Variants in C12orf42 observed in about 807,000 individuals in gnomAD.
C12orf42 encodes chromosome 12 open reading frame 42, also known as uncharacterized protein C12orf42.
A neutral mutation model predicts 21.6 loss-of-function variants in C12orf42; 25 were observed. The ratio of observed to expected loss-of-function variants is 1.16; its 90% CI spans 0.84 to 1.62. The LOEUF is 1.62. C12orf42 is among the 40% of genes most tolerant of loss of function. The pLI, the probability that C12orf42 is intolerant of heterozygous loss-of-function variation, is 0.00. For missense variants in C12orf42, 483 were observed against 459.3 expected (o/e 1.05, Z -0.47); for synonymous variants, 174 against 175.0 (o/e 0.99, Z 0.05).
chr12:103,301,892 G>A (rs558651339), downstream of C12orf42: 25 of 565,690 alleles, frequency 4.4e-5, no homozygotes, highest in Admixed American at 8.1e-4. Context: ...AACACTGGGA[G>A]ACACCGCAGA....
the C12orf42 span, among the ~76,000 whole-genome samples, chr12:103,105,005 C>G: frequency 1.3e-5 from 2 of 152,150 alleles, no homozygotes; most frequent in Non-Finnish European, 2.9e-5. Context: ...GCAGGTGTGG[C>G]GTGTTAATGC....
chr12:103,438,416 G>T (rs1347756021), intron 2 of C12orf42, among the ~76,000 whole-genome samples: 1 of 151,978 alleles, frequency 6.6e-6, no homozygotes, highest in Non-Finnish European at 1.5e-5. Context: ...GGGCAATCAG[G>T]CAGGAGAAAG....
At chr12:103,377,033 A>C (rs2045762140) in intron 3 of C12orf42, among the ~76,000 whole-genome samples, 1 of 151,894 alleles carries the variant, frequency 6.6e-6, no homozygotes, top group Non-Finnish European at 1.5e-5. Context: ...TGGTTTTCAC[A>C]CATTTAATTC....
At chr12:103,489,798 T>C (rs1302696766) in intron 1 of C12orf42, among the ~76,000 whole-genome samples, 1 of 152,200 alleles carries the variant, frequency 6.6e-6, no homozygotes, top group Non-Finnish European at 1.5e-5. Flanking sequence ...TTGCTAAGAC[T>C]ATCGGAAAAG....
intron 10 of C12orf42, among the ~76,000 whole-genome samples, chr12:103,260,171 A>AT (rs2034823778): frequency 1.3e-5 from 2 of 152,224 alleles, no homozygotes. Flanking sequence ...TATAAAATAA[A>AT]TTGGCTTCTT....
chr12:103,091,134 G>A, the C12orf42 span, among the ~76,000 whole-genome samples: 3 of 152,194 alleles, frequency 2.0e-5, no homozygotes, highest in African/African-American at 7.2e-5. Context: ...GTACAAAAGA[G>A]GAAAACAAAG....
the C12orf42 span, among the ~76,000 whole-genome samples, chr12:103,055,370 G>T: frequency 2.6e-5 from 4 of 151,874 alleles, no homozygotes; most frequent in Non-Finnish European, 5.9e-5. Context: ...AGTTATCTTT[G>T]TTATCCTTTT....
At chr12:103,114,483 TCA>T in the C12orf42 span, among the ~76,000 whole-genome samples, 6 of 152,272 alleles carry the variant, frequency 3.9e-5, no homozygotes, top group African/African-American at 1.4e-4. Flanking sequence ...ACCTGCAGAC[TCA>T]CACACTCTGG....
chr12:103,327,175 C>T (rs1211843664), intron 4 of C12orf42, among the ~76,000 whole-genome samples: 1 of 152,146 alleles, frequency 6.6e-6, no homozygotes, highest in Non-Finnish European at 1.5e-5. Context: ...CTCCTGTCTG[C>T]TCCCTACCCC....
chr12:103,473,457 A>G (rs1477471091), intron 2 of C12orf42, among the ~76,000 whole-genome samples: 1 of 152,220 alleles, frequency 6.6e-6, no homozygotes, highest in Non-Finnish European at 1.5e-5. Context: ...TGGCAACTAC[A>G]GTCCTCAGGC....
intron 2 of C12orf42, among the ~76,000 whole-genome samples, chr12:103,443,309 C>G (rs956985377): frequency 2.0e-5 from 3 of 152,170 alleles, no homozygotes; most frequent in Middle Eastern, 3.4e-3. Flanking sequence ...CAGAACTCTG[C>G]CAGATATTTT....
chr12:103,118,811 T>G, the C12orf42 span, among the ~76,000 whole-genome samples: 1 of 148,460 alleles, frequency 6.7e-6, no homozygotes, highest in East Asian at 1.9e-4. Context: ...AAAATACTAG[T>G]TTTATACTAT....
At chr12:103,436,003 A>G (rs1394299776) in intron 2 of C12orf42, among the ~76,000 whole-genome samples, 1 of 151,482 alleles carries the variant, frequency 6.6e-6, no homozygotes, top group African/African-American at 2.4e-5. Flanking sequence ...GCCAGAGAGA[A>G]AGGTCGGGAT....
the C12orf42 span, among the ~76,000 whole-genome samples, chr12:103,524,551 C>A: frequency 6.6e-6 from 1 of 152,202 alleles, no homozygotes; most frequent in African/African-American, 2.4e-5. Flanking sequence ...ACAAACGCAG[C>A]AACCTTGTCA....
At chr12:103,208,021 C>T in the C12orf42 span, among the ~76,000 whole-genome samples, 1 of 152,152 alleles carries the variant, frequency 6.6e-6, no homozygotes, top group Non-Finnish European at 1.5e-5. Flanking sequence ...GCTTTTGTTT[C>T]AGCCGAATCC....
chr12:103,369,098 A>G (rs888319525), intron 3 of C12orf42, 100 bp from the exon 4 acceptor site: 8 of 541,214 alleles, frequency 1.5e-5, no homozygotes, highest in Non-Finnish European at 2.6e-5. Flanking sequence ...AGTGAGTGAC[A>G]TTTTAAAAAT....
chr12:103,358,866 T>C (rs570910272), intron 4 of C12orf42, among the ~76,000 whole-genome samples: 3 of 152,120 alleles, frequency 2.0e-5, no homozygotes, highest in Admixed American at 6.6e-5. Flanking sequence ...AGTGTGATCA[T>C]TTTTTAAAGT....
intron 4 of C12orf42, among the ~76,000 whole-genome samples, chr12:103,336,911 T>C (rs1407123435): frequency 5.3e-5 from 8 of 152,098 alleles, no homozygotes; most frequent in African/African-American, 1.9e-4. Flanking sequence ...TTCTCAAGGT[T>C]CTAGCACCCC....
intron 4 of C12orf42, among the ~76,000 whole-genome samples, chr12:103,312,100 C>T (rs1236392584): frequency 3.9e-5 from 6 of 152,180 alleles, no homozygotes; most frequent in African/African-American, 1.4e-4. Flanking sequence ...AGTAACTCCA[C>T]TTGAGCCTCA....
Sources: gnomAD v4.1 joint callset for allele counts (sites outside exome capture counted in the v4.1 genomes callset) on GRCh38, gnomAD v4.1.1 for gene constraint, MANE v1.5 for transcripts, NCBI Gene and HGNC (gene_info 2026-07-23, HGNC 2026-07-21) for gene names.